MAF: variants seen among roughly 807,000 people sequenced by gnomAD.
MAF encodes the protein MAF bZIP transcription factor.
In MAF, 10 loss-of-function variants were observed where a neutral mutation model predicts 22.0. That is an observed-to-expected ratio of 0.45 (90% CI 0.28 to 0.77). MAF has a LOEUF of 0.77. Ranked by LOEUF, MAF falls within the 30% of genes least tolerant of loss-of-function variation. The pLI is 0.12. For missense variants in MAF, 544 were observed against 548.4 expected (o/e 0.99, Z 0.08); for synonymous variants, 337 against 255.8 (o/e 1.32, Z -3.03).
chr16:79,332,756 G>A, the MAF span, among the ~76,000 whole-genome samples: 2 of 152,150 alleles, frequency 1.3e-5, no homozygotes, highest in African/African-American at 2.4e-5. Context: ...ACAGTCTGAC[G>A]AACAACCAGC....
the MAF span, among the ~76,000 whole-genome samples, chr16:79,551,874 A>G: frequency 2.6e-5 from 4 of 152,158 alleles, no homozygotes; most frequent in East Asian, 1.9e-4. Flanking sequence ...AAACAGAAAT[A>G]TCTGCTCTCT....
the MAF span, among the ~76,000 whole-genome samples, chr16:79,554,737 G>C: frequency 6.6e-6 from 1 of 152,148 alleles, no homozygotes. Flanking sequence ...CTTCGGGGAA[G>C]CTCCCACAAA....
the MAF span, among the ~76,000 whole-genome samples, chr16:79,239,249 C>G: frequency 3.3e-5 from 5 of 152,002 alleles, no homozygotes; most frequent in Non-Finnish European, 1.5e-5. Flanking sequence ...GCCCTAGGCT[C>G]CTAGTTTGTG....
the MAF span, among the ~76,000 whole-genome samples, chr16:79,370,213 A>G: frequency 1.3e-5 from 2 of 152,344 alleles, no homozygotes; most frequent in South Asian, 2.1e-4. Context: ...GGTTAGGAAC[A>G]GGTGTAGAAA....
the MAF span, among the ~76,000 whole-genome samples, chr16:79,514,961 T>TTCATTAAC: frequency 1.3e-5 from 2 of 152,222 alleles, no homozygotes; most frequent in Non-Finnish European, 2.9e-5. Flanking sequence ...TGATGTCTCC[T>TTCATTAAC]TCATTAACTT....
chr16:79,257,896 A>G, the MAF span, among the ~76,000 whole-genome samples: 276 of 152,316 alleles, frequency 1.8e-3, 4 homozygotes, highest in African/African-American at 6.2e-3. Context: ...CAGTGGCTAG[A>G]AAATTTTGCC....
At chr16:79,522,081 G>GT in the MAF span, among the ~76,000 whole-genome samples, 1 of 152,176 alleles carries the variant, frequency 6.6e-6, no homozygotes, top group South Asian at 2.1e-4. Context: ...TCTGAGGTGT[G>GT]TAGGGGGATA....
chr16:79,535,658 C>T, the MAF span, among the ~76,000 whole-genome samples: 2 of 144,208 alleles, frequency 1.4e-5, no homozygotes, highest in East Asian at 2.1e-4. Context: ...GGTGACATCT[C>T]GGTCACTGCA....
the MAF span, among the ~76,000 whole-genome samples, chr16:79,494,665 G>A: frequency 2.0e-5 from 3 of 152,146 alleles, no homozygotes; most frequent in Admixed American, 6.5e-5. Flanking sequence ...CACCAAATGT[G>A]TAGGAGTTTT....
the MAF span, among the ~76,000 whole-genome samples, chr16:79,447,331 CAAA>C: frequency 1.5e-3 from 143 of 98,564 alleles, no homozygotes; most frequent in African/African-American, 3.1e-3. Context: ...ACCTACTGCT[CAAA>C]AAAAAAAAAA....
At chr16:79,457,758 C>T in the MAF span, among the ~76,000 whole-genome samples, 1 of 152,048 alleles carries the variant, frequency 6.6e-6, no homozygotes, top group Non-Finnish European at 1.5e-5. Context: ...TGTGGTGGGG[C>T]AGGCACCCCA....
At chr16:79,285,282 G>A in the MAF span, among the ~76,000 whole-genome samples, 4 of 152,002 alleles carry the variant, frequency 2.6e-5, no homozygotes, top group African/African-American at 9.7e-5. Flanking sequence ...CCCCCCTTTC[G>A]TTAGGTCTTT....
intron 1 of MAF, chr16:79,595,346 A>C: frequency 9.5e-7 from 1 of 1,051,128 alleles, no homozygotes; most frequent in Non-Finnish European, 1.1e-6. Context: ...ACTGGCCAGA[A>C]CTTAGCAGCA....
the MAF span, among the ~76,000 whole-genome samples, chr16:79,496,553 G>T: frequency 6.6e-6 from 1 of 152,222 alleles, no homozygotes; most frequent in Non-Finnish European, 1.5e-5. Context: ...TAACAGAGCA[G>T]TTTCTTGCCG....
chr16:79,445,817 GATT>G, the MAF span, among the ~76,000 whole-genome samples: 1 of 152,280 alleles, frequency 6.6e-6, no homozygotes, highest in East Asian at 1.9e-4. Context: ...TAAATGTTTT[GATT>G]GTGGTGTATT....
the MAF span, among the ~76,000 whole-genome samples, chr16:79,538,847 A>G: frequency 8.1e-6 from 1 of 124,028 alleles, no homozygotes; most frequent in Admixed American, 9.1e-5. Flanking sequence ...GGAAAGAAAG[A>G]AAGAAAAGAA....
At chr16:79,257,846 C>A in the MAF span, among the ~76,000 whole-genome samples, 1 of 152,088 alleles carries the variant, frequency 6.6e-6, no homozygotes, top group Non-Finnish European at 1.5e-5. Flanking sequence ...CATACTTATA[C>A]TATTGATGCT....
At chr16:79,247,708 C>T in the MAF span, among the ~76,000 whole-genome samples, 1 of 152,094 alleles carries the variant, frequency 6.6e-6, no homozygotes, top group Non-Finnish European at 1.5e-5. Context: ...TTCCTGGAAG[C>T]CTTTGTTGGT....
At chr16:79,202,910 T>C in the MAF span, 1 of 152,218 alleles carries the variant, frequency 6.6e-6, no homozygotes, top group Admixed American at 6.5e-5. Context: ...TAGATAATAT[T>C]TGCATGATAG....
Sources: allele counts gnomAD v4.1 joint callset (sites outside exome capture counted in the v4.1 genomes callset), GRCh38; gene constraint gnomAD v4.1.1; transcripts MANE v1.5; gene names NCBI Gene and HGNC (gene_info 2026-07-23, HGNC 2026-07-21).